Variants in KLRD1 observed in about 807,000 individuals in gnomAD.
The protein encoded by KLRD1 is natural killer cells antigen CD94.
KLRD1 carries 21 observed loss-of-function variants against 22.6 expected under a neutral mutation model. The ratio of observed to expected loss-of-function variants is 0.93; its 90% confidence interval spans 0.66 to 1.34. The LOEUF (loss-of-function observed/expected upper bound fraction) is 1.34, where lower values mean the gene tolerates loss of function less well. Among genes scored for constraint, KLRD1 ranks in the 40% most tolerant of loss-of-function variants. The pLI is 0.00. For missense variants in KLRD1, 183 were observed against 208.6 expected (o/e 0.88, Z 0.76); for synonymous variants, 59 against 71.1 (o/e 0.83, Z 0.85).
intron 1 of KLRD1, among the ~76,000 whole-genome samples, chr12:10,272,566 G>A (rs1011725774): frequency 6.6e-5 from 10 of 152,148 alleles, no homozygotes; most frequent in Admixed American, 5.2e-4. Flanking sequence ...TGCCACTGGC[G>A]AAGGTTGAAG....
intron 1 of KLRD1, among the ~76,000 whole-genome samples, chr12:10,239,515 T>C: frequency 1.6e-5 from 1 of 62,006 alleles, no homozygotes. Flanking sequence ...CCTCCTTCCC[T>C]CCCCTTTCTT....
rs578075563 is a variant in KLRD1 at position 10,296,226 on chromosome 12, T to A, written c.-100-11752T>A. The stretch of plus-strand genomic sequence containing the variant: ...TCATGAGGTAGAATCTCTAATAACA[T>A]ACAAAGGAGGCCGGGCACAGTGGCT... On this transcript the variant is annotated intron_variant, in intron 1 of 5. Transcript: ENST00000544747. Among the ~76,000 whole-genome samples, 29 of 152,144 alleles carry A rather than the reference T, an allele frequency of 1.9e-4. 1 individual carries two copies. Among genetic ancestry groups the A allele is most frequent in the African/African-American group, 7.0e-4 (29 of 41,514 alleles).
intron 1 of KLRD1, among the ~76,000 whole-genome samples, chr12:10,239,850 C>T (rs1246251209): frequency 6.6e-6 from 1 of 151,800 alleles, no homozygotes; most frequent in Non-Finnish European, 1.5e-5. Flanking sequence ...CCATGTTGGC[C>T]AGGCTGGACT....
At chr12:10,243,631 A>AAAAAAAAT in intron 1 of KLRD1, among the ~76,000 whole-genome samples, 1 of 118,782 alleles carries the variant, frequency 8.4e-6, no homozygotes, top group African/African-American at 4.1e-5. Flanking sequence ...AAAAAAAAAA[A>AAAAAAAAT]AACCGAAATG....
chr12:10,299,562 G>A (rs937971083), upstream of KLRD1, among the ~76,000 whole-genome samples: 1 of 152,074 alleles, frequency 6.6e-6, no homozygotes, highest in African/African-American at 2.4e-5. Context: ...TTCAAAATCT[G>A]TTATTGCTAA....
intron 1 of KLRD1, 92 bp from the exon 2 acceptor site, chr12:10,309,296 G>A (rs957693965): frequency 4.2e-6 from 3 of 707,316 alleles, no homozygotes; most frequent in Non-Finnish European, 5.1e-6. Flanking sequence ...ATGAAAGAAT[G>A]TTGTGGATTC....
Position 10,317,876 on chromosome 12 carries a change from C to G in KLRD1, c.*3083C>G, listed in dbSNP as rs1161334639. 6 of 152,218 alleles carry G rather than the reference C, an allele frequency of 3.9e-5. No homozygotes were observed. Among genetic ancestry groups the G allele is most frequent in the African/African-American group, 1.4e-4 (6 of 41,456 alleles). 9.4% of individuals were successfully genotyped at this position (152,218 alleles called of 1,614,324 possible). A position where few individuals can be genotyped will look rare whatever the true frequency, so the allele number is the denominator to read the frequency against. On this transcript the variant is annotated 3_prime_UTR_variant, in exon 6 of 6. Coordinates refer to ENST00000336164, the MANE Select transcript of KLRD1 (RefSeq NM_002262.5). ...CAGAAGGGAAAGCAAACACATCCCT[C>G]TACGCATGGCAGCAGAAAGGAGACG...
At chr12:10,264,456 A>G (rs1333319916) in intron 1 of KLRD1, among the ~76,000 whole-genome samples, 1 of 152,052 alleles carries the variant, frequency 6.6e-6, no homozygotes, top group East Asian at 1.9e-4. Context: ...TCAAAGTAGT[A>G]TGTCCAGTTG....
chr12:10,258,772 C>T (rs1033189653), intron 1 of KLRD1, among the ~76,000 whole-genome samples: 15 of 151,912 alleles, frequency 9.9e-5, no homozygotes, highest in African/African-American at 3.4e-4. Context: ...GAGTGAAGAA[C>T]AATATGAAAA....
intron 1 of KLRD1, among the ~76,000 whole-genome samples, chr12:10,277,838 T>C (rs954552606): frequency 1.3e-5 from 2 of 152,240 alleles, no homozygotes. Context: ...TAGTGCAGAC[T>C]CAATCAACAG....
At chr12:10,258,198 G>T (rs1333010393) in intron 1 of KLRD1, among the ~76,000 whole-genome samples, 1 of 152,108 alleles carries the variant, frequency 6.6e-6, no homozygotes, top group African/African-American at 2.4e-5. Context: ...AAAGGAAACA[G>T]AATTTCTTTT....
At chr12:10,253,749 A>G (rs1448953226) in intron 1 of KLRD1, among the ~76,000 whole-genome samples, 3 of 152,114 alleles carry the variant, frequency 2.0e-5, no homozygotes, top group African/African-American at 7.2e-5. Flanking sequence ...GCAGGATTTC[A>G]TTCTTTTTTC....
At chr12:10,283,493 G>T (rs1022897223) in intron 1 of KLRD1, among the ~76,000 whole-genome samples, 16 of 152,090 alleles carry the variant, frequency 1.1e-4, no homozygotes, top group African/African-American at 3.6e-4. Context: ...TTCAAAATTT[G>T]TTAATAGAGT....
In KLRD1 at chr12:10,322,248, T is replaced by A. The variant is rs1266009236; in HGVS notation, c.*7455T>A. 6.6e-6 allele frequency: 1 copy of A among 152,268 alleles called. No homozygotes were observed. Among genetic ancestry groups the A allele is most frequent in the Non-Finnish European group, 1.5e-5 (1 of 68,110 alleles). The allele number at this position is 152,268 out of a possible 1,614,324, so 9.4% of individuals were successfully genotyped here. On this transcript the variant is annotated 3_prime_UTR_variant, in exon 6 of 6. Transcript: ENST00000336164. ...TTTCAGTAGACATGAGGTTTTGCCA[T>A]GTTGGCCAGGCTGGTCTCCAACTCC...
chr12:10,239,465 C>CCTTT (rs1555098465), intron 1 of KLRD1, among the ~76,000 whole-genome samples: 1 of 41,452 alleles, frequency 2.4e-5, no homozygotes, highest in Admixed American at 3.8e-4. Context: ...TTCCTTCCTT[C>CCTTT]CTTCCTTCCT....
chr12:10,277,182 T>G (rs1206535910), intron 1 of KLRD1, among the ~76,000 whole-genome samples: 2 of 149,238 alleles, frequency 1.3e-5, no homozygotes, highest in Non-Finnish European at 3.0e-5. Flanking sequence ...CTGATCTATC[T>G]CAAACATGCA....
intron 1 of KLRD1, among the ~76,000 whole-genome samples, chr12:10,289,891 G>A (rs2137665530): frequency 6.6e-6 from 1 of 152,266 alleles, no homozygotes; most frequent in African/African-American, 2.4e-5. Flanking sequence ...CGATTCTCCT[G>A]CCTCAGCCTC....
intron 1 of KLRD1, among the ~76,000 whole-genome samples, chr12:10,253,712 C>T (rs1949365794): frequency 6.6e-6 from 1 of 152,124 alleles, no homozygotes; most frequent in Admixed American, 6.5e-5. Flanking sequence ...ATAGTAGCCC[C>T]CAGCTCCATC....
At chr12:10,276,135 A>G (rs754119078) in intron 1 of KLRD1, among the ~76,000 whole-genome samples, 2 of 152,090 alleles carry the variant, frequency 1.3e-5, no homozygotes, top group African/African-American at 4.8e-5. Flanking sequence ...ATTTCTTTGT[A>G]TGATATACTC....
Sources: allele counts gnomAD v4.1 joint callset (sites outside exome capture counted in the v4.1 genomes callset), GRCh38; gene constraint gnomAD v4.1.1; transcripts MANE v1.5; gene names NCBI Gene and HGNC (gene_info 2026-07-23, HGNC 2026-07-21).